Variants in TRPM3 observed in about 807,000 individuals in gnomAD.
The protein encoded by TRPM3 is transient receptor potential cation channel subfamily M member 3.
In TRPM3, 77 loss-of-function variants were observed where a neutral mutation model predicts 181.2. The observed-to-expected ratio is 0.42, with a 90% CI of 0.35 to 0.51. TRPM3 has a LOEUF of 0.51. Among genes scored for constraint, TRPM3 ranks in the 20% least tolerant of loss-of-function variants. TRPM3 has a pLI of 0.01. For missense variants in TRPM3, 1,759 were observed against 2,196.7 expected (o/e 0.80, Z 3.98); for synonymous variants, 745 against 796.4 (o/e 0.94, Z 1.09).
At chr9:70,754,513 C>A (rs1342723904) in intron 8 of TRPM3, among the ~76,000 whole-genome samples, 1 of 152,122 alleles carries the variant, frequency 6.6e-6, no homozygotes, top group African/African-American at 2.4e-5. Flanking sequence ...GAAAGTACAG[C>A]AGTATCTGTG....
intron 1 of TRPM3, among the ~76,000 whole-genome samples, chr9:71,340,970 GT>G (rs2090923298): frequency 6.6e-6 from 1 of 152,052 alleles, no homozygotes; most frequent in African/African-American, 2.4e-5. Context: ...ATCAGTTTTT[GT>G]CAAAACGGCA....
chr9:71,280,486 A>G (rs1248272928), intron 1 of TRPM3, among the ~76,000 whole-genome samples: 1 of 152,114 alleles, frequency 6.6e-6, no homozygotes, highest in Non-Finnish European at 1.5e-5. Flanking sequence ...CTTCAGAAAA[A>G]GCCAACAACA....
intron 1 of TRPM3, among the ~76,000 whole-genome samples, chr9:71,208,405 C>T (rs1325793269): frequency 6.6e-6 from 1 of 151,878 alleles, no homozygotes; most frequent in East Asian, 1.9e-4. Context: ...AAATACTAGG[C>T]TTTCATCCTT....
chr9:71,378,501 G>A (rs1039642093), intron 1 of TRPM3, among the ~76,000 whole-genome samples: 1 of 151,984 alleles, frequency 6.6e-6, no homozygotes, highest in Non-Finnish European at 1.5e-5. Flanking sequence ...TCATTTTCCT[G>A]GTTCTGACAA....
At chr9:70,839,645 C>A (rs991747136) in intron 5 of TRPM3, among the ~76,000 whole-genome samples, 2 of 152,124 alleles carry the variant, frequency 1.3e-5, no homozygotes, top group South Asian at 2.1e-4. Flanking sequence ...AGAAATGGAG[C>A]CTTTCTTTTA....
Position 70,683,428 on chromosome 9 carries a change from C to CTTTTTTTTTTTTTTTTTT in TRPM3, c.1273-1868_1273-1851dup, listed in dbSNP as rs575176948. 4.0e-3 allele frequency among the ~76,000 whole-genome samples: 231 copies of CTTTTTTTTTTTTTTTTTT among 57,464 alleles called. 29 individuals carry two copies. Among genetic ancestry groups the CTTTTTTTTTTTTTTTTTT allele is most frequent in the Non-Finnish European group, 5.7e-3 (174 of 30,786 alleles). 37.7% of individuals were successfully genotyped at this position (57,464 alleles called of 152,430 possible). A position where few individuals can be genotyped will look rare whatever the true frequency, so the allele number is the denominator to read the frequency against. Reference sequence around the variant, plus strand: ...CCTTTTCTCTCTTTCTCTCTCTCTCCTTTTTTTTTTTTTTTTTTTTTTTTT... The same window carrying CTTTTTTTTTTTTTTTTTT: ...CCTTTTCTCTCTTTCTCTCTCTCTCCTTTTTTTTTTTTTTTTTTTTTTTTTTTTTTTTTTTTTTTTTTT... On this transcript the variant is annotated intron_variant, in intron 8 of 25. Transcript: ENST00000677713.
intron 1 of TRPM3, among the ~76,000 whole-genome samples, chr9:71,103,579 G>A (rs1269475231): frequency 6.6e-6 from 1 of 152,188 alleles, no homozygotes; most frequent in East Asian, 1.9e-4. Flanking sequence ...AAAGAGGGCA[G>A]AACAATGACC....
At position 70,640,599 on chromosome 9, in the gene TRPM3, G is replaced by A. The variant is rs763650106; in HGVS notation, c.1407C>T (p.Ile469=). Residue 469 remains isoleucine (I), a synonymous_variant, in exon 10 of 26, where the codon ATC becomes ATT. Coordinates refer to ENST00000677713, the MANE Select transcript of TRPM3 (RefSeq NM_001366145.2). ...CGTAAATAAAGATCTGGCTGCGAGC[G>A]ATGTCGACTCTGTTCCAGGCTAAAG... ...SLALAWNRVD[I]ARSQIFIYGQ... The A allele has an allele frequency of 3.7e-6, 6 of 1,613,736 alleles. No homozygotes were observed. The highest frequency in any genetic ancestry group is 2.2e-5 in the East Asian group (1 of 44,866).
chr9:71,363,539 T>A (rs2092232892), intron 1 of TRPM3, among the ~76,000 whole-genome samples: 1 of 152,226 alleles, frequency 6.6e-6, no homozygotes, highest in Non-Finnish European at 1.5e-5. Context: ...CAAGTTGGTT[T>A]TGGTTTCAAA....
intron 1 of TRPM3, among the ~76,000 whole-genome samples, chr9:70,936,282 G>A (rs1322245780): frequency 6.6e-6 from 1 of 152,050 alleles, no homozygotes; most frequent in African/African-American, 2.4e-5. Context: ...GAACTTTCAA[G>A]GATTTTTAAA....
intron 1 of TRPM3, among the ~76,000 whole-genome samples, chr9:71,092,405 T>C (rs1475448187): frequency 2.0e-5 from 3 of 152,176 alleles, no homozygotes; most frequent in Non-Finnish European, 4.4e-5. Flanking sequence ...TGAAATTTAA[T>C]TGTGATTTCT....
intron 1 of TRPM3, among the ~76,000 whole-genome samples, chr9:71,373,818 C>T (rs1041584061): frequency 6.6e-6 from 1 of 152,060 alleles, no homozygotes; most frequent in Non-Finnish European, 1.5e-5. Flanking sequence ...GGCAGAGATA[C>T]AACAAAAAAG....
chr9:71,253,385 T>C (rs1236307753), intron 1 of TRPM3, among the ~76,000 whole-genome samples: 2 of 152,172 alleles, frequency 1.3e-5, no homozygotes, highest in African/African-American at 4.8e-5. Flanking sequence ...ACATTTTTAG[T>C]TGTTGCAAGT....
At chr9:71,328,458 A>G (rs1471024909) in intron 1 of TRPM3, among the ~76,000 whole-genome samples, 2 of 151,932 alleles carry the variant, frequency 1.3e-5, no homozygotes, top group African/African-American at 4.8e-5. Flanking sequence ...GAGCCACCGC[A>G]CCCGGCCGAC....
At chr9:71,109,623 G>T (rs746887827) in intron 1 of TRPM3, among the ~76,000 whole-genome samples, 3 of 151,996 alleles carry the variant, frequency 2.0e-5, no homozygotes, top group African/African-American at 7.3e-5. Flanking sequence ...AGAATTGGCC[G>T]TTTCATTCTT....
At chr9:70,833,219 T>C (rs79866642) in intron 5 of TRPM3, among the ~76,000 whole-genome samples, 10,459 of 152,288 alleles carry the variant, frequency 0.069, 502 homozygotes, top group South Asian at 0.098. Flanking sequence ...TTCCATTTTA[T>C]GGTGCTTTCT....
rs561424702 is a variant in TRPM3, at chr9:71,085,393, C to T, written c.177+35785G>A. ...CGCAAACAGTGCATTCAGCAAAGTT[C>T]CAATATCCAAAATCTATAAGCAAAT... On this transcript the variant is annotated intron_variant, in intron 1 of 25. Transcript: ENST00000677713. Among the ~76,000 whole-genome samples, 13 of 152,114 alleles carry T rather than the reference C, an allele frequency of 8.5e-5. No homozygotes were observed. In the East Asian group the frequency reaches 2.3e-3, roughly 27 times the overall value.
intron 1 of TRPM3, among the ~76,000 whole-genome samples, chr9:70,971,097 T>C (rs2097239762): frequency 6.6e-6 from 1 of 152,220 alleles, no homozygotes; most frequent in Admixed American, 6.5e-5. Context: ...TAGGGTGCTA[T>C]GTAATGTATG....
At chr9:70,787,691 C>T (rs144681805) in intron 6 of TRPM3, among the ~76,000 whole-genome samples, 9 of 145,936 alleles carry the variant, frequency 6.2e-5, no homozygotes, top group South Asian at 2.2e-4. Context: ...GGGACCCTTT[C>T]TCCAGAAAAG....
Sources: gnomAD v4.1 joint callset for allele counts (sites outside exome capture counted in the v4.1 genomes callset) on GRCh38, gnomAD v4.1.1 for gene constraint, MANE v1.5 for transcripts, NCBI Gene and HGNC (gene_info 2026-07-23, HGNC 2026-07-21) for gene names.